The following TSG101 variants were observed in gnomAD, a reference collection of about 807,000 sequenced individuals.
TSG101 encodes the protein tumor susceptibility gene 101 protein.
A neutral mutation model predicts 48.5 loss-of-function variants in TSG101; 19 were observed. That is an observed-to-expected ratio of 0.39 (90% CI 0.27 to 0.58). The LOEUF (loss-of-function observed/expected upper bound fraction) is 0.58, where lower values mean the gene tolerates loss of function less well. TSG101 is among the 20% of genes least tolerant of loss of function. The pLI is 0.55. For missense variants in TSG101, 365 were observed against 484.4 expected, an observed-to-expected ratio of 0.75 and a Z score of 2.31; for synonymous variants, 174 against 169.4, an observed-to-expected ratio of 1.03 and a Z score of -0.21.
chr11:18,483,779 A>G, intron 8 of TSG101, 91 bp downstream of exon 8: 1 of 1,378,136 alleles, frequency 7.3e-7, no homozygotes, highest in Non-Finnish European at 1.0e-6. Flanking sequence ...CTGAACTCCT[A>G]CTATGCCCAC....
At chr11:18,484,935 CTTT>C (rs529154247) in intron 7 of TSG101, among the ~76,000 whole-genome samples, 10,722 of 107,626 alleles carry the variant, frequency 0.1, 308 homozygotes, top group South Asian at 0.18. Context: ...TAATTGCCGC[CTTT>C]TTTTTTTTTT....
At chr11:18,496,586 G>A (rs1849787485) in intron 7 of TSG101, among the ~76,000 whole-genome samples, 1 of 152,116 alleles carries the variant, frequency 6.6e-6, no homozygotes, top group Non-Finnish European at 1.5e-5. Context: ...TAATCCGGGA[G>A]GCCAGCACGG....
chr11:18,483,776 C>A, intron 8 of TSG101, 94 bp downstream of exon 8: 1 of 1,342,992 alleles, frequency 7.4e-7, no homozygotes, highest in Non-Finnish European at 1.0e-6. Context: ...TTTCTGAACT[C>A]CTACTATGCC....
At chr11:18,509,473 T>G (rs759611597) in intron 5 of TSG101, 69 bp downstream of exon 5, 1 of 1,524,602 alleles carries the variant, frequency 6.6e-7, no homozygotes, top group Non-Finnish European at 8.8e-7. Flanking sequence ...TTTTTCTTTA[T>G]TTTTTTACAA....
intron 7 of TSG101, 102 bp downstream of exon 7, chr11:18,502,384 A>G: frequency 1.2e-6 from 1 of 855,454 alleles, no homozygotes; most frequent in Non-Finnish European, 1.8e-6. Flanking sequence ...TTTTCCTCTA[A>G]GAAGAAAGAG....
rs138878379 is a variant in TSG101, at chr11:18,518,492, T to C, written c.127+1027A>G. Among the ~76,000 whole-genome samples, 898 of 152,274 alleles carry C rather than the reference T, an allele frequency of 5.9e-3. 9 individuals are homozygous for C. The highest frequency in any genetic ancestry group is 0.021 in the African/African-American group (865 of 41,544). On this transcript the variant is annotated intron_variant, in intron 2 of 9. Coordinates refer to ENST00000251968, the MANE Select transcript of TSG101 (RefSeq NM_006292.4). ...TTGAAGAAATTATGTTAGGATTTGGTAGGGACAGAAAAGACTATTTTAAAA... is the reference window on the plus strand; with the variant it reads ...TTGAAGAAATTATGTTAGGATTTGGCAGGGACAGAAAAGACTATTTTAAAA...
At chr11:18,512,262 C>T (rs1156799367) in intron 4 of TSG101, among the ~76,000 whole-genome samples, 2 of 151,950 alleles carry the variant, frequency 1.3e-5, no homozygotes, top group African/African-American at 4.8e-5. Context: ...AAAAATTAGC[C>T]AGGTGTGGTG....
chr11:18,509,721 A>G, intron 4 of TSG101, 56 bp from the exon 5 acceptor site: 1 of 1,514,468 alleles, frequency 6.6e-7, no homozygotes, highest in South Asian at 1.3e-5. Context: ...AGTAAAAAGA[A>G]AAAGGTTAGC....
At chr11:18,526,161 C>T (rs1850369242) in intron 1 of TSG101, among the ~76,000 whole-genome samples, 1 of 151,172 alleles carries the variant, frequency 6.6e-6, no homozygotes, top group African/African-American at 2.4e-5. Flanking sequence ...TAGTCTTGAG[C>T]CGTGAAGATC....
intron 1 of TSG101, among the ~76,000 whole-genome samples, chr11:18,522,842 T>C (rs2133935241): frequency 6.6e-6 from 1 of 152,332 alleles, no homozygotes; most frequent in East Asian, 1.9e-4. Context: ...TCTATGAGTC[T>C]TTGCATTTGT....
intron 7 of TSG101, among the ~76,000 whole-genome samples, chr11:18,500,957 C>T (rs977554237): frequency 1.3e-5 from 2 of 152,146 alleles, no homozygotes; most frequent in African/African-American, 4.8e-5. Flanking sequence ...GGGTGTACCA[C>T]CACGCCCAGA....
intron 4 of TSG101, 60 bp from the exon 5 acceptor site, chr11:18,509,725 G>A: frequency 6.7e-7 from 1 of 1,493,916 alleles, no homozygotes; most frequent in Non-Finnish European, 9.0e-7. Flanking sequence ...AAAAGAAAAA[G>A]GTTAGCCATT....
intron 7 of TSG101, among the ~76,000 whole-genome samples, chr11:18,496,289 A>G (rs1849775864): frequency 6.6e-6 from 1 of 151,688 alleles, no homozygotes; most frequent in South Asian, 2.1e-4. Flanking sequence ...TACAAAATAC[A>G]AAAATTAGTG....
intron 7 of TSG101, among the ~76,000 whole-genome samples, chr11:18,484,933 G>C (rs966960086): frequency 9.4e-6 from 1 of 106,082 alleles, no homozygotes; most frequent in Non-Finnish European, 1.8e-5. Context: ...CTTAATTGCC[G>C]CCTTTTTTTT....
Position 18,502,340 on chromosome 11 carries a change from C to T in TSG101, c.640+146G>A, listed in dbSNP as rs1022308303. On this transcript the variant is annotated intron_variant, in intron 7 of 9. Coordinates refer to ENST00000251968, the MANE Select transcript of TSG101 (RefSeq NM_006292.4). ...GTTCATTTATATGTTAAGTCATTTACTTCAAGTTTAAGATTATAGTACATT... is the reference window on the plus strand; with the variant it reads ...GTTCATTTATATGTTAAGTCATTTATTTCAAGTTTAAGATTATAGTACATT... 6.1e-6 allele frequency: 3 copies of T among 495,796 alleles called. No individual in the cohort carries two copies. In the Admixed American group the frequency reaches 1.1e-4, roughly 19 times the overall value. 30.7% of individuals were successfully genotyped at this position (495,796 alleles called of 1,614,324 possible). A position where few individuals can be genotyped will look rare whatever the true frequency, so the allele number is the denominator to read the frequency against.
rs1354000862 is a variant in TSG101 at position 18,480,422 on chromosome 11, T to C, written c.*124A>G. On this transcript the variant is annotated 3_prime_UTR_variant, in exon 10 of 10. Transcript: ENST00000251968. ...TTACCAAAAGAAAACAGAAAATATATTATTGATTCAAAATATTTTACACTT... is the reference window on the plus strand; with the variant it reads ...TTACCAAAAGAAAACAGAAAATATACTATTGATTCAAAATATTTTACACTT... The C allele has an allele frequency of 2.8e-6, 2 of 714,802 alleles. No individual in the cohort carries two copies. Among genetic ancestry groups the C allele is most frequent in the South Asian group, 2.3e-5 (1 of 42,792 alleles). 44.3% of individuals were successfully genotyped at this position (714,802 alleles called of 1,614,324 possible). A position where few individuals can be genotyped will look rare whatever the true frequency, so the allele number is the denominator to read the frequency against.
intron 7 of TSG101, among the ~76,000 whole-genome samples, chr11:18,489,136 A>G (rs1849663310): frequency 6.6e-6 from 1 of 151,722 alleles, no homozygotes. Context: ...GGATGGTGGG[A>G]AAGAATGTTT....
At chr11:18,506,786 CA>C in intron 6 of TSG101, 70 bp downstream of exon 6, 1 of 1,312,450 alleles carries the variant, frequency 7.6e-7, no homozygotes, top group East Asian at 2.5e-5. Flanking sequence ...CCCTAATTAG[CA>C]AATTATTTTG....
intron 5 of TSG101, 89 bp downstream of exon 5, chr11:18,509,453 G>T: frequency 6.7e-7 from 1 of 1,484,772 alleles, no homozygotes. Context: ...AAAAAGCAAA[G>T]AAGTCATTAT....
Sources: gnomAD v4.1 joint callset for allele counts (sites outside exome capture counted in the v4.1 genomes callset) on GRCh38, gnomAD v4.1.1 for gene constraint, MANE v1.5 for transcripts, NCBI Gene and HGNC (gene_info 2026-07-23, HGNC 2026-07-21) for gene names.